ARHGEF18: variants seen among roughly 807,000 people sequenced by gnomAD.
The protein encoded by ARHGEF18 is rho guanine nucleotide exchange factor 18.
A neutral mutation model predicts 155.7 loss-of-function variants in ARHGEF18; 93 were observed. That is an observed-to-expected ratio of 0.60 (90% CI 0.50 to 0.71). The LOEUF (loss-of-function observed/expected upper bound fraction) is 0.71. Among genes scored for constraint, ARHGEF18 ranks in the 30% least tolerant of loss-of-function variants. ARHGEF18 has a pLI of 0.00. For synonymous variants in ARHGEF18, 742 were observed against 753.1 expected, an observed-to-expected ratio of 0.99 and a Z score of 0.24; for missense variants, 1,593 against 1,816.1, an observed-to-expected ratio of 0.88 and a Z score of 2.23.
chr19:7,422,716 C>CTTTTT (rs67634093), intron 10 of ARHGEF18, among the ~76,000 whole-genome samples: 17 of 111,210 alleles, frequency 1.5e-4, no homozygotes, highest in Non-Finnish European at 1.9e-4. Flanking sequence ...TCTAACTTTT[C>CTTTTT]TTTTTTTTTT....
intron 10 of ARHGEF18, among the ~76,000 whole-genome samples, chr19:7,426,932 G>A (rs1483402767): frequency 2.0e-5 from 3 of 152,164 alleles, no homozygotes; most frequent in Admixed American, 6.5e-5. Context: ...ACCTCGCCGT[G>A]TTGAAAGGTT....
At chr19:7,385,544 T>G (rs548886024) in intron 10 of ARHGEF18, among the ~76,000 whole-genome samples, 14 of 151,016 alleles carry the variant, frequency 9.3e-5, no homozygotes, top group African/African-American at 3.4e-4. Flanking sequence ...GGCACGATCA[T>G]AGCTCACTGC....
rs1969099270 is a variant in ARHGEF18, at chr19:7,349,153, A to C, written c.-199A>C. 1 of 152,318 alleles carries C rather than the reference A, an allele frequency of 6.6e-6. No homozygotes were observed. The highest frequency in any genetic ancestry group is 1.5e-5 in the Non-Finnish European group (1 of 68,108). The allele number at this position is 152,318 out of a possible 1,614,324, so 9.4% of individuals were successfully genotyped here. On this transcript the variant is annotated 5_prime_UTR_variant, in exon 1 of 29. Transcript: ENST00000668164. ...ACCCAGCCAGCGGTTCCCTTGGGCC[A>C]GCTCGAAACGCTGGCCGTAGGTCAT...
chr19:7,477,054 ACCTCGCATCAGTC>A, downstream of ARHGEF18: 1 of 637,538 alleles, frequency 1.6e-6, no homozygotes, highest in Non-Finnish European at 2.3e-6. Context: ...GGCCTGGGGG[ACCTCGCATCAGTC>A]CCTCCACCCA....
At chr19:7,419,148 CA>C (rs546403755) in intron 10 of ARHGEF18, among the ~76,000 whole-genome samples, 1 of 140,536 alleles carries the variant, frequency 7.1e-6, no homozygotes, top group Non-Finnish European at 1.5e-5. Context: ...CTCTGTACCC[CA>C]GATGTACCCA....
At chr19:7,420,123 T>G (rs1973265692) in intron 10 of ARHGEF18, among the ~76,000 whole-genome samples, 1 of 152,136 alleles carries the variant, frequency 6.6e-6, no homozygotes, top group South Asian at 2.1e-4. Flanking sequence ...AGGCCAGCTC[T>G]CTCTATATAT....
intron 11 of ARHGEF18, among the ~76,000 whole-genome samples, chr19:7,441,388 C>T (rs886767946): frequency 1.3e-5 from 2 of 152,110 alleles, no homozygotes; most frequent in South Asian, 4.1e-4. Context: ...CCATGTTGGG[C>T]GAGCTGGTCT....
intron 1 of ARHGEF18, among the ~76,000 whole-genome samples, chr19:7,351,495 A>G (rs570339291): frequency 4.0e-5 from 6 of 150,804 alleles, no homozygotes; most frequent in South Asian, 2.1e-4. Context: ...GGCTAATTTT[A>G]TGTATTTTTA....
intron 2 of ARHGEF18, among the ~76,000 whole-genome samples, chr19:7,363,409 TGAAGGAAG>T (rs1214501859): frequency 6.7e-6 from 1 of 149,474 alleles, no homozygotes. Flanking sequence ...GGAGGATGGA[TGAAGGAAG>T]GAAGGAAAGA....
intron 10 of ARHGEF18, among the ~76,000 whole-genome samples, chr19:7,412,506 C>T (rs1004373967): frequency 3.3e-5 from 5 of 151,554 alleles, no homozygotes; most frequent in Non-Finnish European, 2.9e-5. Flanking sequence ...CTTTGGGAGA[C>T]GAAGGTGGGC....
chr19:7,416,665 C>T (rs1373040949), intron 10 of ARHGEF18, among the ~76,000 whole-genome samples: 5 of 145,022 alleles, frequency 3.4e-5, no homozygotes, highest in Non-Finnish European at 6.0e-5. Flanking sequence ...TGCAGTGGCA[C>T]GATCTTGGCT....
At chr19:7,391,215 C>A (rs534176134) in intron 10 of ARHGEF18, among the ~76,000 whole-genome samples, 1 of 152,066 alleles carries the variant, frequency 6.6e-6, no homozygotes, top group East Asian at 1.9e-4. Flanking sequence ...CACAGGCCTA[C>A]CTGCTTTTAA....
intron 10 of ARHGEF18, among the ~76,000 whole-genome samples, chr19:7,429,161 G>C (rs1427144351): frequency 9.3e-6 from 1 of 108,096 alleles, no homozygotes; most frequent in East Asian, 3.9e-4. Context: ...CGTAGTTGGG[G>C]TATAGGGTAC....
intron 10 of ARHGEF18, among the ~76,000 whole-genome samples, chr19:7,422,711 C>A (rs531262175): frequency 3.3e-4 from 43 of 129,098 alleles, no homozygotes; most frequent in African/African-American, 9.9e-4. Flanking sequence ...TGTGTTCTAA[C>A]TTTTCTTTTT....
chr19:7,465,112 C>A (rs1346886948), intron 23 of ARHGEF18, among the ~76,000 whole-genome samples: 1 of 152,214 alleles, frequency 6.6e-6, no homozygotes, highest in Non-Finnish European at 1.5e-5. Flanking sequence ...GAGGCCAAGG[C>A]CAGTTGCCTC....
intron 15 of ARHGEF18, among the ~76,000 whole-genome samples, 160 bp from the exon 16 acceptor site, chr19:7,450,989 A>ATG (rs1975403464): frequency 2.6e-5 from 1 of 38,906 alleles, no homozygotes; most frequent in African/African-American, 9.0e-5. Context: ...ATGTTAATGC[A>ATG]GGATCTTGCT....
chr19:7,392,572 C>T (rs1971464145), intron 10 of ARHGEF18: 1 of 151,034 alleles, frequency 6.6e-6, no homozygotes. Context: ...AAAAATTAGC[C>T]AGGCTTGGTG....
At chr19:7,386,638 C>T (rs918477040) in intron 10 of ARHGEF18, among the ~76,000 whole-genome samples, 2 of 151,988 alleles carry the variant, frequency 1.3e-5, no homozygotes, top group African/African-American at 4.8e-5. Context: ...GAATGTGCCC[C>T]GGGCAGCAGA....
rs762681772 is a variant in ARHGEF18 at position 7,431,109 on chromosome 19, G to A, written c.968-9235G>A. Among the ~76,000 whole-genome samples the A allele has an allele frequency of 3.9e-5, 6 of 152,190 alleles. No homozygotes were observed. The East Asian group carries it at 7.7e-4, about 20-fold the overall frequency. On this transcript the variant is annotated intron_variant, in intron 10 of 28. Transcript: ENST00000668164. ...GTTGAGGCTGCAGTGAGCCGTGATC[G>A]TGCCTGTGTACTATAGCCAGGGCGA...
Sources: gnomAD v4.1 joint callset for allele counts (sites outside exome capture counted in the v4.1 genomes callset) on GRCh38, gnomAD v4.1.1 for gene constraint, MANE v1.5 for transcripts, NCBI Gene and HGNC (gene_info 2026-07-23, HGNC 2026-07-21) for gene names.